The following LYST variants were observed in gnomAD, a reference collection of about 807,000 sequenced individuals.
The protein encoded by LYST is lysosomal-trafficking regulator.
Under a neutral mutation model 413.6 loss-of-function variants are expected in LYST, and 192 were observed. That is an observed-to-expected ratio of 0.46 (90% CI 0.41 to 0.52). The LOEUF is 0.52. Ranked by LOEUF, LYST falls within the 20% of genes least tolerant of loss-of-function variation. The pLI is 0.00. For missense variants in LYST, 3,815 were observed against 4,499.9 expected (o/e 0.85, Z 4.35); for synonymous variants, 1,525 against 1,567.3 (o/e 0.97, Z 0.64).
intron 21 of LYST, among the ~76,000 whole-genome samples, chr1:235,764,495 CTTTTTTTTTTT>C (rs1020736833): frequency 2.7e-4 from 26 of 97,930 alleles, no homozygotes; most frequent in East Asian, 2.6e-4. Flanking sequence ...TTTTTCTTTT[CTTTTTTTTTTT>C]TTTTTTTTTT....
intron 12 of LYST, 73 bp downstream of exon 12, chr1:235,791,626 T>C (rs747253254): frequency 7.6e-7 from 1 of 1,318,458 alleles, no homozygotes; most frequent in Non-Finnish European, 1.1e-6. Flanking sequence ...CACTACCACA[T>C]TTTTACGGCT....
At chr1:235,694,540 C>T (rs939138299) in intron 46 of LYST, among the ~76,000 whole-genome samples, 2 of 152,090 alleles carry the variant, frequency 1.3e-5, no homozygotes, top group African/African-American at 4.8e-5. Context: ...GCAGAATACC[C>T]AGAAGTAGAT....
intron 10 of LYST, among the ~76,000 whole-genome samples, chr1:235,795,606 C>T (rs1452365167): frequency 6.6e-6 from 1 of 152,212 alleles, no homozygotes; most frequent in Non-Finnish European, 1.5e-5. Flanking sequence ...AAGCTCTCTT[C>T]ATTAGGGTGT....
At chr1:235,800,278 A>G in intron 10 of LYST, 42 bp downstream of exon 10, 1 of 1,280,176 alleles carries the variant, frequency 7.8e-7, no homozygotes, top group Non-Finnish European at 1.1e-6. Flanking sequence ...CTTTTCACAT[A>G]AAATAATTTC....
At chr1:235,781,849 C>A (rs537707745) in intron 15 of LYST, 78 bp downstream of exon 15, 7 of 960,970 alleles carry the variant, frequency 7.3e-6, no homozygotes, top group Middle Eastern at 4.7e-4. Context: ...AGAAAAAAAA[C>A]TGGAAATGTT....
At chr1:235,669,289 A>G (rs576610214) in intron 50 of LYST, among the ~76,000 whole-genome samples, 32 of 152,326 alleles carry the variant, frequency 2.1e-4, no homozygotes, top group South Asian at 1.0e-3. Context: ...GAGGCAGGAG[A>G]ATAGGGTCTG....
chr1:235,845,792 C>A (rs1302135100), intron 1 of LYST, among the ~76,000 whole-genome samples: 1 of 152,108 alleles, frequency 6.6e-6, no homozygotes, highest in Admixed American at 6.5e-5. Context: ...CTCCAGTAAA[C>A]TGGGAATCTC....
At chr1:235,868,177 TC>T (rs1267850209), upstream of LYST, among the ~76,000 whole-genome samples, 1 of 151,938 alleles carries the variant, frequency 6.6e-6, no homozygotes, top group Non-Finnish European at 1.5e-5. Flanking sequence ...TTATTTTTTA[TC>T]TTTTTTTTTT....
chr1:235,761,848 T>G (rs1465361909), intron 22 of LYST, among the ~76,000 whole-genome samples: 1 of 151,430 alleles, frequency 6.6e-6, no homozygotes. Flanking sequence ...TTTTTCAGCA[T>G]GTCAGAACTC....
At chr1:235,866,715 C>G (rs1382080387) in intron 1 of LYST, 128 bp downstream of exon 1, 2 of 152,384 alleles carry the variant, frequency 1.3e-5, no homozygotes, top group Non-Finnish European at 2.9e-5. Context: ...GCCCTCAGCC[C>G]GGCGGTCCCG....
intron 19 of LYST, among the ~76,000 whole-genome samples, chr1:235,771,346 ATG>A (rs906392318): frequency 6.6e-6 from 1 of 152,220 alleles, no homozygotes; most frequent in Non-Finnish European, 1.5e-5. Flanking sequence ...TAGAAGTAAT[ATG>A]TGTCTTATCA....
intron 19 of LYST, among the ~76,000 whole-genome samples, chr1:235,771,917 G>GGTTTTT (rs1553291134): frequency 1.4e-5 from 1 of 72,726 alleles, no homozygotes; most frequent in African/African-American, 5.5e-5. Flanking sequence ...TTTTTAGTTT[G>GGTTTTT]TTTTTTTTTT....
At chr1:235,867,210 C>T (rs1346691700), upstream of LYST, among the ~76,000 whole-genome samples, 2 of 152,252 alleles carry the variant, frequency 1.3e-5, no homozygotes, top group African/African-American at 2.4e-5. Context: ...GTCCGCACCT[C>T]CTCCCAGGGC....
At position 235,737,951 on chromosome 1, in the gene LYST, C is replaced by T; in HGVS notation, c.8359-3292G>A. 7 of 1,247,064 alleles carry T rather than the reference C, an allele frequency of 5.6e-6. No homozygotes were observed. In the South Asian group the frequency reaches 8.3e-5, roughly 15 times the overall value. The allele number at this position is 1,247,064 out of a possible 1,614,324, so 77.2% of individuals were successfully genotyped here. On this transcript the variant is annotated intron_variant, in intron 31 of 52. Coordinates refer to ENST00000389793, the MANE Select transcript of LYST (RefSeq NM_000081.4). The stretch of plus-strand genomic sequence containing the variant: ...TCACTGCCGCGTGCCCCAACACCCG[C>T]CGGACGTGCATTCTCGATTCCTTTT...
chr1:235,793,438 T>G lies in LYST; in HGVS notation c.4116+65A>C, dbSNP rs1036735489. 3.9e-6 allele frequency: 3 copies of G among 774,660 alleles called. No homozygotes were observed. The African/African-American group carries it at 5.3e-5, about 14-fold the overall frequency. 48.0% of individuals were successfully genotyped at this position (774,660 alleles called of 1,614,324 possible). A position where few individuals can be genotyped will look rare whatever the true frequency, so the allele number is the denominator to read the frequency against. On this transcript the variant is annotated intron_variant, in intron 11 of 52. Coordinates refer to ENST00000389793, the MANE Select transcript of LYST (RefSeq NM_000081.4). The stretch of plus-strand genomic sequence containing the variant: ...ACATTTCTAAATAATTAAAAATACA[T>G]TCTATTAAAAATTGTAAGTGAAAGA...
At chr1:235,796,341 T>C (rs745892924) in intron 10 of LYST, among the ~76,000 whole-genome samples, 1 of 151,984 alleles carries the variant, frequency 6.6e-6, no homozygotes, top group Non-Finnish European at 1.5e-5. Flanking sequence ...GCATAAAGAA[T>C]GGGAGAAAAT....
At chr1:235,807,683 C>A (rs1673018729) in intron 5 of LYST, among the ~76,000 whole-genome samples, 1 of 152,092 alleles carries the variant, frequency 6.6e-6, no homozygotes, top group Non-Finnish European at 1.5e-5. Context: ...GACCAGTCTA[C>A]CCATTCGTTT....
chr1:235,715,055 C>T (rs2103135023), intron 42 of LYST, 146 bp downstream of exon 42: 1 of 772,394 alleles, frequency 1.3e-6, no homozygotes, highest in Non-Finnish European at 2.1e-6. Flanking sequence ...TTGAGGAGCA[C>T]TTTGGGCAAG....
At chr1:235,739,622 G>GAA (rs58295679) in intron 31 of LYST, among the ~76,000 whole-genome samples, 2 of 140,854 alleles carry the variant, frequency 1.4e-5, no homozygotes, top group Non-Finnish European at 3.1e-5. Context: ...AAAAAAAATA[G>GAA]AAAAAAAAAA....
Sources: gnomAD v4.1 joint callset for allele counts (sites outside exome capture counted in the v4.1 genomes callset) on GRCh38, gnomAD v4.1.1 for gene constraint, MANE v1.5 for transcripts, NCBI Gene and HGNC (gene_info 2026-07-23, HGNC 2026-07-21) for gene names.